TRAPPC2: variants seen among roughly 807,000 people sequenced by gnomAD.
TRAPPC2 encodes the protein sedlin.
Under a neutral mutation model 10.0 loss-of-function variants are expected in TRAPPC2, and 4 were observed. The observed-to-expected ratio is 0.40, with a 90% confidence interval of 0.20 to 0.92. The LOEUF (loss-of-function observed/expected upper bound fraction) is 0.92. Ranked by LOEUF, TRAPPC2 falls within the 40% of genes least tolerant of loss-of-function variation. TRAPPC2 has a pLI of 0.35. For missense variants in TRAPPC2, 52 were observed against 108.7 expected (o/e 0.48, Z 2.32); for synonymous variants, 36 against 37.3 (o/e 0.97, Z 0.12).
chrX:13,715,754 G>A, intron 5 of TRAPPC2: 1 of 887,601 alleles, frequency 1.1e-6, no homozygotes, highest in Non-Finnish European at 1.4e-6. Context: ...AGGACAACAA[G>A]GTGAAGAATG....
At chrX:13,727,977 C>A (rs141024411) in intron 2 of TRAPPC2, among the ~76,000 whole-genome samples, 1 of 111,928 alleles carries the variant, frequency 8.9e-6, no homozygotes, top group Non-Finnish European at 1.9e-5. Flanking sequence ...AACACCTCTA[C>A]GCAAATAAAC....
At chrX:13,725,099 G>A (rs986127516) in intron 2 of TRAPPC2, among the ~76,000 whole-genome samples, 1 of 113,121 alleles carries the variant, frequency 8.8e-6, no homozygotes, top group Non-Finnish European at 1.9e-5. Flanking sequence ...TGGCCAGGAA[G>A]CTCGAACTGG....
chrX:13,717,392 G>T (rs2046319403), intron 3 of TRAPPC2, among the ~76,000 whole-genome samples: 2 of 112,156 alleles, frequency 1.8e-5, no homozygotes, highest in Admixed American at 9.5e-5. Flanking sequence ...TGACCATAAT[G>T]TGAAGACGGA....
chrX:13,714,381 A>G lies in TRAPPC2; in HGVS notation c.*26T>C. The G allele has an allele frequency of 1.0e-6, 1 of 994,081 alleles. No individual in the cohort carries two copies. The highest frequency in any genetic ancestry group is 1.4e-6 in the Non-Finnish European group (1 of 717,511). 81.9% of individuals were successfully genotyped at this position (994,081 alleles called of 1,213,427 possible). On this transcript the variant is annotated 3_prime_UTR_variant, in exon 6 of 6. Transcript: ENST00000380579. ...CCTGAGTATACACCATTGTGGTGACATCATTTATTTTGGAATTTTCTGCAT... is the reference window on the plus strand; with the variant it reads ...CCTGAGTATACACCATTGTGGTGACGTCATTTATTTTGGAATTTTCTGCAT...
chrX:13,725,118 C>T (rs1182547756), intron 2 of TRAPPC2, among the ~76,000 whole-genome samples: 2 of 113,041 alleles, frequency 1.8e-5, no homozygotes, highest in Non-Finnish European at 3.8e-5. Flanking sequence ...GGGCAGAGCC[C>T]GCTGCAGCTC....
intron 2 of TRAPPC2, among the ~76,000 whole-genome samples, chrX:13,724,602 G>C (rs1013907210): frequency 9.0e-6 from 1 of 111,504 alleles, no homozygotes; most frequent in Non-Finnish European, 1.9e-5. Flanking sequence ...CCTCAAGATA[G>C]GTATATTAAG....
rs200844691 is a variant in TRAPPC2, at chrX:13,716,568, G to A, written c.204C>T (p.Asn68=). Residue 68 remains asparagine (N), a synonymous_variant, in exon 4 of 6, where the codon AAC becomes AAT. Coordinates refer to ENST00000380579, the MANE Select transcript of TRAPPC2 (RefSeq NM_001011658.4). ...NMYLKTVDKF[N]EWFVSAFVTA... ...TGACAAATGCCGACACAAACCACTC[G>A]TTGAACTTGTCCACAGTTTTCAAGT... The A allele has an allele frequency of 2.8e-4, 334 of 1,210,042 alleles. No homozygotes were observed. The Middle Eastern group carries it at 3.2e-3, about 12-fold the overall frequency.
chrX:13,719,578 A>G (rs914679838), intron 3 of TRAPPC2, among the ~76,000 whole-genome samples: 3 of 112,182 alleles, frequency 2.7e-5, no homozygotes, highest in Non-Finnish European at 3.8e-5. Context: ...CAAGGCGGCA[A>G]TCCACTACAG....
chrX:13,726,690 T>G (rs1298603521), intron 2 of TRAPPC2, among the ~76,000 whole-genome samples: 2 of 111,849 alleles, frequency 1.8e-5, no homozygotes, highest in Non-Finnish European at 3.8e-5. Context: ...ATGAAGAAAC[T>G]GCATCAGTTA....
chrX:13,714,469 TAGG>T lies in TRAPPC2; in HGVS notation c.358_360del (p.Pro120del). On this transcript the variant is annotated inframe_deletion, in exon 6 of 6. Coordinates refer to ENST00000380579, the MANE Select transcript of TRAPPC2 (RefSeq NM_001011658.4). ...TTTCTGTCAAATGCACTTGATCGAATAGGAGAATTGGGTTCATAAAATGGATTC... is the reference window on the plus strand; with the variant it reads ...TTTCTGTCAAATGCACTTGATCGAATAGAATTGGGTTCATAAAATGGATTC... 1 of 1,167,647 alleles carries T rather than the reference TAGG, an allele frequency of 8.6e-7. No individual in the cohort carries two copies. Among genetic ancestry groups the T allele is most frequent in the Non-Finnish European group, 1.2e-6 (1 of 868,561 alleles).
At chrX:13,717,200 C>G (rs913751980) in intron 3 of TRAPPC2, among the ~76,000 whole-genome samples, 3 of 111,011 alleles carry the variant, frequency 2.7e-5, no homozygotes, top group Admixed American at 9.6e-5. Flanking sequence ...AACGGCCTGC[C>G]AGAGGCCTCT....
chrX:13,731,774 CTT>C (rs1214524949), intron 2 of TRAPPC2, among the ~76,000 whole-genome samples: 1 of 112,069 alleles, frequency 8.9e-6, no homozygotes, highest in African/African-American at 3.2e-5. Context: ...TCTAGTAAGG[CTT>C]TGAGGTTGAC....
chrX:13,731,696 C>G (rs2146880379), intron 2 of TRAPPC2, among the ~76,000 whole-genome samples: 1 of 111,879 alleles, frequency 8.9e-6, no homozygotes, highest in African/African-American at 3.2e-5. Flanking sequence ...AGGGATGGCT[C>G]ATAGCCGACT....
intron 1 of TRAPPC2, 150 bp downstream of exon 1, chrX:13,734,375 C>T (rs2046759934): frequency 3.4e-6 from 1 of 297,257 alleles, no homozygotes; most frequent in East Asian, 5.2e-5. Flanking sequence ...AAGGGCTGCG[C>T]GGATGAGCCA....
intron 3 of TRAPPC2, among the ~76,000 whole-genome samples, chrX:13,718,130 A>T (rs2046335316): frequency 1.8e-5 from 2 of 112,495 alleles, no homozygotes; most frequent in Admixed American, 1.9e-4. Flanking sequence ...CAGAACTGAG[A>T]CAATAAATTT....
At chrX:13,720,064 T>G in intron 2 of TRAPPC2, 82 bp from the exon 3 acceptor site, 1 of 723,760 alleles carries the variant, frequency 1.4e-6, no homozygotes, top group South Asian at 4.1e-5. Context: ...TAGAATTCTT[T>G]TTTAAATTTA....
chrX:13,716,407 A>G, intron 4 of TRAPPC2, 127 bp downstream of exon 4: 1 of 867,164 alleles, frequency 1.2e-6, no homozygotes, highest in Non-Finnish European at 1.6e-6. Context: ...AGCCCCATAA[A>G]TGGAAACTTA....
chrX:13,733,679 A>G lies in TRAPPC2; in HGVS notation c.-20+365T>C, dbSNP rs368361133. 7.1e-5 allele frequency among the ~76,000 whole-genome samples: 8 copies of G among 111,897 alleles called. No individual in the cohort carries two copies. In the South Asian group the frequency reaches 3.0e-3, roughly 41 times the overall value. ...CCTCACAGGACTTAGATACCATATA[A>G]GGCTTATATTCCCAGCACACAACTC... On this transcript the variant is annotated intron_variant, in intron 2 of 5. Coordinates refer to ENST00000380579, the MANE Select transcript of TRAPPC2 (RefSeq NM_001011658.4).
Position 13,713,465 on chromosome X carries a change from C to CAAAAAAAA in TRAPPC2, c.*941_*942insTTTTTTTT, listed in dbSNP as rs767782257. On this transcript the variant is annotated 3_prime_UTR_variant, in exon 6 of 6. Coordinates refer to ENST00000380579, the MANE Select transcript of TRAPPC2 (RefSeq NM_001011658.4). ...GACTCCATCTCAAAAAAACAAAAAA[C>CAAAAAAAA]AAAAAACAAAAACAAAAACCCACAA... The CAAAAAAAA allele has an allele frequency of 2.1e-5, 2 of 95,765 alleles. No homozygotes were observed. Among genetic ancestry groups the CAAAAAAAA allele is most frequent in the Non-Finnish European group, 4.1e-5 (2 of 48,770 alleles). 7.9% of individuals were successfully genotyped at this position (95,765 alleles called of 1,213,427 possible).
Sources: gnomAD v4.1 joint callset for allele counts (sites outside exome capture counted in the v4.1 genomes callset) on GRCh38, gnomAD v4.1.1 for gene constraint, MANE v1.5 for transcripts, NCBI Gene and HGNC (gene_info 2026-07-23, HGNC 2026-07-21) for gene names.